The following ANKFN1 variants were observed in gnomAD, a reference collection of about 807,000 sequenced individuals.
ANKFN1 encodes the protein ankyrin repeat and fibronectin type III domain containing 1.
ANKFN1 carries 74 observed loss-of-function variants against 108.7 expected under a neutral mutation model. That is an observed-to-expected ratio of 0.68 (90% CI 0.56 to 0.83). ANKFN1 has a LOEUF of 0.83. Among genes scored for constraint, ANKFN1 ranks in the 40% least tolerant of loss-of-function variants. The probability of loss-of-function intolerance (pLI) is 0.00; values close to 1 mark genes in which losing one functional copy is unlikely to be tolerated. For missense variants in ANKFN1, 1,505 were observed against 1,382.3 expected (o/e 1.09, Z -1.41); for synonymous variants, 547 against 516.2 (o/e 1.06, Z -0.81).
At chr17:56,432,379 G>A (rs1766044428) in intron 8 of ANKFN1, among the ~76,000 whole-genome samples, 2 of 152,110 alleles carry the variant, frequency 1.3e-5, no homozygotes, top group South Asian at 4.1e-4. Flanking sequence ...ACAAGGTCCA[G>A]ACAACATGAA....
At chr17:56,209,535 A>G (rs1051761023) in intron 1 of ANKFN1, among the ~76,000 whole-genome samples, 8 of 152,224 alleles carry the variant, frequency 5.3e-5, no homozygotes, top group African/African-American at 1.9e-4. Flanking sequence ...CCTGAAGATA[A>G]CAAACCAGGA....
At chr17:56,209,171 G>A (rs979085217) in intron 1 of ANKFN1, among the ~76,000 whole-genome samples, 8 of 151,916 alleles carry the variant, frequency 5.3e-5, no homozygotes, top group East Asian at 1.9e-4. Context: ...CCACCGGCTC[G>A]TGTTCTAAAT....
intron 11 of ANKFN1, among the ~76,000 whole-genome samples, chr17:56,454,069 T>C (rs1414718109): frequency 1.3e-5 from 2 of 152,178 alleles, no homozygotes; most frequent in East Asian, 3.9e-4. Flanking sequence ...CTTCTTTAAG[T>C]ATTTCTTTGC....
chr17:56,265,571 A>G (rs1281576962), intron 3 of ANKFN1, among the ~76,000 whole-genome samples: 1 of 152,154 alleles, frequency 6.6e-6, no homozygotes, highest in East Asian at 1.9e-4. Context: ...AGATTTCGGG[A>G]GCCTGAAAAG....
chr17:56,083,021 A>G (rs747054988), intron 4 of ANKFN1, among the ~76,000 whole-genome samples: 11 of 151,464 alleles, frequency 7.3e-5, no homozygotes, highest in Non-Finnish European at 1.6e-4. Flanking sequence ...TAGCAAATGT[A>G]TTGTGATAAC....
At position 56,514,893 on chromosome 17, in the gene ANKFN1, A is replaced by T. The variant is rs1598747863; in HGVS notation, c.*3624A>T. Among the ~76,000 whole-genome samples, 1 of 152,036 alleles carries T rather than the reference A, an allele frequency of 6.6e-6. No homozygotes were observed. Among genetic ancestry groups the T allele is most frequent in the Non-Finnish European group, 1.5e-5 (1 of 68,010 alleles). On this transcript the variant is annotated 3_prime_UTR_variant, in exon 21 of 21. Transcript: ENST00000682825. ...CCAGAGAAGTGGAAAAGAGGACTGG[A>T]CCCTCGTTCATTGTTATCCTGCCAC...
rs148876512 is a variant in ANKFN1 at position 56,242,725 on chromosome 17, C to T, written c.53+14768C>T. ...ATGTTGAATACCAGGATAATGACAG[C>T]CATTCTTGACTTGTCTCGGACTTTA... On this transcript the variant is annotated intron_variant, in intron 3 of 20. Transcript: ENST00000682825. 3.4e-4 allele frequency among the ~76,000 whole-genome samples: 51 copies of T among 152,028 alleles called. No homozygotes were observed. The East Asian group carries it at 8.3e-3, about 25-fold the overall frequency.
At chr17:56,258,969 G>A (rs1180066041) in intron 3 of ANKFN1, among the ~76,000 whole-genome samples, 2 of 152,086 alleles carry the variant, frequency 1.3e-5, no homozygotes. Flanking sequence ...TGGTACAGGT[G>A]TTCCTTTGCG....
chr17:56,396,027 GAAAAC>G (rs954101036), intron 8 of ANKFN1, among the ~76,000 whole-genome samples: 53 of 151,932 alleles, frequency 3.5e-4, no homozygotes, highest in African/African-American at 1.2e-3. Flanking sequence ...GGAACAAAAT[GAAAAC>G]AAAACAAAAC....
chr17:56,411,320 A>AT (rs1313071589), intron 8 of ANKFN1, among the ~76,000 whole-genome samples: 1 of 152,062 alleles, frequency 6.6e-6, no homozygotes. Context: ...AAAAATACTA[A>AT]TTTTTTTAAA....
chr17:56,096,281 G>T (rs1032048879), intron 4 of ANKFN1, among the ~76,000 whole-genome samples: 3 of 152,102 alleles, frequency 2.0e-5, no homozygotes, highest in African/African-American at 7.2e-5. Context: ...CCTATTACTG[G>T]TACCTTATTG....
chr17:56,388,056 C>A (rs988745620), intron 8 of ANKFN1, among the ~76,000 whole-genome samples: 5 of 152,006 alleles, frequency 3.3e-5, no homozygotes, highest in African/African-American at 1.2e-4. Flanking sequence ...TCATAGTCAG[C>A]CACTTTTAAC....
intron 1 of ANKFN1, among the ~76,000 whole-genome samples, chr17:56,159,947 G>C (rs1311655789): frequency 6.6e-6 from 1 of 151,842 alleles, no homozygotes; most frequent in African/African-American, 2.4e-5. Context: ...GACCAGGGGT[G>C]GGGGCAGGGC....
chr17:56,078,126 C>G (rs1019509330), intron 4 of ANKFN1, among the ~76,000 whole-genome samples: 1 of 152,292 alleles, frequency 6.6e-6, no homozygotes, highest in East Asian at 1.9e-4. Context: ...TGGTAGGCAG[C>G]AGCTCAAATC....
At chr17:56,310,354 A>G (rs929721914) in intron 3 of ANKFN1, among the ~76,000 whole-genome samples, 1 of 152,214 alleles carries the variant, frequency 6.6e-6, no homozygotes, top group Non-Finnish European at 1.5e-5. Context: ...GCAGTGGCTC[A>G]CGCCTGTAAT....
chr17:56,461,402 CCCTTGGCT>C (rs1437479482), intron 14 of ANKFN1, among the ~76,000 whole-genome samples: 6 of 152,152 alleles, frequency 3.9e-5, no homozygotes, highest in African/African-American at 7.2e-5. Flanking sequence ...ATTGGCATAT[CCCTTGGCT>C]TCCACAATTT....
chr17:56,228,041 C>T, intron 3 of ANKFN1, 84 bp downstream of exon 3: 1 of 1,146,510 alleles, frequency 8.7e-7, no homozygotes, highest in South Asian at 1.4e-5. Flanking sequence ...TCCCATCTCA[C>T]ATTGCTGCAT....
intron 8 of ANKFN1, among the ~76,000 whole-genome samples, chr17:56,399,383 G>A (rs943532261): frequency 6.6e-6 from 1 of 151,526 alleles, no homozygotes; most frequent in Non-Finnish European, 1.5e-5. Flanking sequence ...AAACAACTAT[G>A]AGCAAAGTAA....
At chr17:56,081,173 G>A (rs573607174) in intron 4 of ANKFN1, among the ~76,000 whole-genome samples, 5 of 152,200 alleles carry the variant, frequency 3.3e-5, no homozygotes, top group East Asian at 1.9e-4. Flanking sequence ...AGAGGCATAC[G>A]GCAGAAGAAG....
Sources: gnomAD v4.1 joint callset for allele counts (sites outside exome capture counted in the v4.1 genomes callset) on GRCh38, gnomAD v4.1.1 for gene constraint, MANE v1.5 for transcripts, NCBI Gene and HGNC (gene_info 2026-07-23, HGNC 2026-07-21) for gene names.